Variants in SPTBN5 observed in about 807,000 individuals in gnomAD.
SPTBN5 encodes the protein spectrin beta chain, non-erythrocytic 5.
Under a neutral mutation model 477.6 loss-of-function variants are expected in SPTBN5, and 513 were observed. The observed-to-expected ratio is 1.07, with a 90% CI of 1.00 to 1.16. SPTBN5 has a LOEUF of 1.16. SPTBN5 is among the 50% of genes most tolerant of loss of function. SPTBN5 has a pLI of 0.00. For synonymous variants in SPTBN5, 2,169 were observed against 2,011.7 expected, an observed-to-expected ratio of 1.08 and a Z score of -2.09; for missense variants, 5,062 against 4,731.8, an observed-to-expected ratio of 1.07 and a Z score of -2.05.
rs371908812 is a variant in SPTBN5, at chr15:41,868,471, C to G, written c.5984G>C (p.Arg1995Pro). ...HQWLRAELEA[R>P]EKLWQQATQL... ...GGTGGCCTGCTGCCACAGCTTCTCC[C>G]GGGCCTCCAGCTCCGCCCGGAGCCA... The change falls in exon 33 of 68, where the codon CGG (arginine) becomes CCG (proline). Residue 1995 changes from arginine (R) to proline (P), a missense_variant. Transcript: ENST00000320955. 3 of 1,611,066 alleles carry G rather than the reference C, an allele frequency of 1.9e-6. No homozygotes were observed. Among genetic ancestry groups the G allele is most frequent in the Admixed American group, 1.7e-5 (1 of 59,948 alleles).
In SPTBN5 at chr15:41,848,566, A is replaced by G; in HGVS notation, c.*50T>C. 1.2e-6 allele frequency: 2 copies of G among 1,611,874 alleles called. No homozygotes were observed. The highest frequency in any genetic ancestry group is 1.7e-6 in the Non-Finnish European group (2 of 1,178,028). On this transcript the variant is annotated 3_prime_UTR_variant, in exon 68 of 68. Coordinates refer to ENST00000320955, the MANE Select transcript of SPTBN5 (RefSeq NM_016642.4). Reference sequence around the variant, plus strand: ...GCTGAGTCTTATTCTGGTCCCTTAGATGTGTCCTCGCTTGTGCCCCTGAAG... The same window carrying G: ...GCTGAGTCTTATTCTGGTCCCTTAGGTGTGTCCTCGCTTGTGCCCCTGAAG...
Position 41,850,606 on chromosome 15 carries a change from A to G in SPTBN5, c.10921+248T>C. ...GAGTGGCAGACTCCAAAAGGGGCAGAACAGGACCAGGACACAGCTGGGGGT... is the reference window on the plus strand; with the variant it reads ...GAGTGGCAGACTCCAAAAGGGGCAGGACAGGACCAGGACACAGCTGGGGGT... On this transcript the variant is annotated intron_variant, in intron 66 of 67. Coordinates refer to ENST00000320955, the MANE Select transcript of SPTBN5 (RefSeq NM_016642.4). The G allele has an allele frequency of 5.6e-6, 3 of 534,270 alleles. No homozygotes were observed. The East Asian group carries it at 9.3e-5, about 17-fold the overall frequency. 33.1% of individuals were successfully genotyped at this position (534,270 alleles called of 1,614,324 possible). A position where few individuals can be genotyped will look rare whatever the true frequency, so the allele number is the denominator to read the frequency against.
Position 41,857,449 on chromosome 15 carries a change from C to G in SPTBN5, c.8410G>C (p.Glu2804Gln). The G allele has an allele frequency of 6.2e-7, 1 of 1,608,416 alleles. No individual in the cohort carries two copies. Among genetic ancestry groups the G allele is most frequent in the Non-Finnish European group, 8.5e-7 (1 of 1,177,578 alleles). Reference sequence around the variant, plus strand: ...GCTCTCAGCTCAACCTCGATGGGCTCCAGCCAGTTCTCCAGTTCCTCCATG... The same window carrying G: ...GCTCTCAGCTCAACCTCGATGGGCTGCAGCCAGTTCTCCAGTTCCTCCATG... ...RSMEELENWL[E>Q]PIEVELRAPT... The change falls in exon 51 of 68, where the codon GAG becomes CAG. Residue 2804 changes from glutamate (E) to glutamine (Q), a missense_variant. Coordinates refer to ENST00000320955, the MANE Select transcript of SPTBN5 (RefSeq NM_016642.4).
chr15:41,873,436 C>A, intron 26 of SPTBN5, 56 bp downstream of exon 26: 1 of 1,329,734 alleles, frequency 7.5e-7, no homozygotes, highest in Non-Finnish European at 1.1e-6. Context: ...ACAGCCCTCT[C>A]CCCGTGGTCC....
chr15:41,860,642 C>A lies in SPTBN5; in HGVS notation c.7932G>T (p.Gln2644His). Reference protein sequence around the residue: ...ALEATARGLHQGGHPEAQSAL... With the variant: ...ALEATARGLHHGGHPEAQSAL... ...CACTCTGGGCCTCGGGGTGCCCACC[C>A]TGGTGCAGGCCGCGGGCCGTGGCCT... is the stretch of plus-strand genomic sequence containing the variant. Residue 2644 changes from glutamine to histidine, a missense_variant, in exon 47 of 68, where the codon CAG becomes CAT. Transcript: ENST00000320955. 1 of 1,543,282 alleles carries A rather than the reference C, an allele frequency of 6.5e-7. No homozygotes were observed. The highest frequency in any genetic ancestry group is 8.7e-7 in the Non-Finnish European group (1 of 1,144,028).
chr15:41,860,649 A>G lies in SPTBN5; in HGVS notation c.7925T>C (p.Leu2642Pro). 6.5e-7 allele frequency: 1 copy of G among 1,547,916 alleles called. No individual in the cohort carries two copies. Among genetic ancestry groups the G allele is most frequent in the Non-Finnish European group, 8.7e-7 (1 of 1,146,426 alleles). ...ISALEATARGLHQGGHPEAQS... is the reference protein window; with the variant it reads ...ISALEATARGPHQGGHPEAQS... ...GGCCTCGGGGTGCCCACCCTGGTGCAGGCCGCGGGCCGTGGCCTCCAGAGC... is the reference window on the plus strand; with the variant it reads ...GGCCTCGGGGTGCCCACCCTGGTGCGGGCCGCGGGCCGTGGCCTCCAGAGC... Residue 2642 changes from leucine to proline, a missense_variant, in exon 47 of 68, where the codon CTG becomes CCG. Coordinates refer to ENST00000320955, the MANE Select transcript of SPTBN5 (RefSeq NM_016642.4).
rs750822095 is a variant in SPTBN5 at position 41,878,442 on chromosome 15, G to T, written c.3370C>A (p.Gln1124Lys). ...LLLWAESVQA[Q>K]LRSKEVSVDV... ...ACTGACACCTCCTTGCTGCGCAGCT[G>T]AGCCTGGACACTCTCTGCCCACAGT... The change falls in exon 17 of 68, where the codon CAG becomes AAG. Residue 1124 changes from glutamine to lysine, a missense_variant. Coordinates refer to ENST00000320955, the MANE Select transcript of SPTBN5 (RefSeq NM_016642.4). 1.2e-5 allele frequency: 20 copies of T among 1,613,580 alleles called. No homozygotes were observed. The Admixed American group carries it at 3.3e-4, about 27-fold the overall frequency.
chr15:41,865,823 T>TCGGAACTCG lies in SPTBN5; in HGVS notation c.6894_6902dup (p.Glu2299_Arg2301dup), dbSNP rs950488648. 62 of 1,564,230 alleles carry TCGGAACTCG rather than the reference T, an allele frequency of 4.0e-5. No homozygotes were observed. The highest frequency in any genetic ancestry group is 5.2e-5 in the Non-Finnish European group (60 of 1,154,740). ...GCCCTCTTACCCCGGCCGAGTTTCC[T>TCGGAACTCG]CGGAACTCGCGGAGCCGCCGTCGGA... On this transcript the variant is annotated inframe_insertion, in exon 39 of 68. Coordinates refer to ENST00000320955, the MANE Select transcript of SPTBN5 (RefSeq NM_016642.4).
chr15:41,854,324 G>T, intron 56 of SPTBN5, 119 bp from the exon 57 acceptor site: 1 of 1,233,576 alleles, frequency 8.1e-7, no homozygotes, highest in Non-Finnish European at 1.1e-6. Context: ...GGGGCTTGAT[G>T]TGTCCCCAGG....
At chr15:41,867,470 T>C (rs2066365260) in intron 35 of SPTBN5, 68 bp downstream of exon 35, 1 of 1,462,204 alleles carries the variant, frequency 6.8e-7, no homozygotes, top group Non-Finnish European at 9.6e-7. Context: ...AAGCGCCCCG[T>C]GACCCCCTTC....
At chr15:41,884,091 T>C (rs1273575160) in intron 7 of SPTBN5, among the ~76,000 whole-genome samples, 1 of 152,212 alleles carries the variant, frequency 6.6e-6, no homozygotes, top group Non-Finnish European at 1.5e-5. Flanking sequence ...GTTCATGCCA[T>C]TCTCCTGCCT....
At chr15:41,866,563 C>T in intron 36 of SPTBN5, 70 bp from the exon 37 acceptor site, 2 of 1,427,316 alleles carry the variant, frequency 1.4e-6, no homozygotes, top group Non-Finnish European at 9.1e-7. Context: ...AGGCCTAGCC[C>T]CCAGCCATTC....
At position 41,849,976 on chromosome 15, in the gene SPTBN5, TAAC is replaced by T; in HGVS notation, c.10922-20_10922-18del. On this transcript the variant is annotated intron_variant, in intron 66 of 67. Coordinates refer to ENST00000320955, the MANE Select transcript of SPTBN5 (RefSeq NM_016642.4). ...GACTCTGGGCTGCAGAGCAAGGGAA[TAAC>T]CACTGTTAGCCCGGCCCAGACCATC... The T allele has an allele frequency of 3.2e-6, 5 of 1,566,436 alleles. No individual in the cohort carries two copies. Among genetic ancestry groups the T allele is most frequent in the Non-Finnish European group, 4.3e-6 (5 of 1,153,680 alleles).
chr15:41,853,208 A>G (rs909630544), intron 59 of SPTBN5, 50 bp downstream of exon 59: 18 of 1,542,354 alleles, frequency 1.2e-5, no homozygotes, highest in Non-Finnish European at 1.6e-5. Context: ...GCCCTGGGCA[A>G]TCAGGCTGTA....
At chr15:41,888,111 C>T (rs1215799910) in intron 4 of SPTBN5, 26 bp from the exon 5 acceptor site, 4 of 1,550,906 alleles carry the variant, frequency 2.6e-6, no homozygotes, top group South Asian at 2.4e-5. Context: ...AGCAGGGTCA[C>T]CATGCGGGGA....
At chr15:41,893,200 C>G in intron 2 of SPTBN5, 82 bp downstream of exon 2, 1 of 1,594,430 alleles carries the variant, frequency 6.3e-7, no homozygotes, top group South Asian at 1.1e-5. Flanking sequence ...GCAGATGACC[C>G]CACAGCTCAC....
rs1779242826 is a variant in SPTBN5 at position 41,872,392 on chromosome 15, AG to A, written c.5074del (p.Leu1692SerfsTer39). On this transcript the variant is annotated frameshift_variant, in exon 27 of 68. Coordinates refer to ENST00000320955, the MANE Select transcript of SPTBN5 (RefSeq NM_016642.4). LOFTEE classifies it high-confidence loss of function. Reference protein sequence around the residue: ...MEELDQTAQTLTGPEVPEQQR... With the variant: ...MEELDQTAQTXTGPEVPEQQR... ...CTGCTCAGGGACTTCGGGGCCAGTG[AG>A]GGTTTGGGCCGTCTGGTCAAGCTCC... The A allele has an allele frequency of 1.2e-6, 2 of 1,606,548 alleles. No homozygotes were observed. The highest frequency in any genetic ancestry group is 1.7e-5 in the Admixed American group (1 of 59,024).
At position 41,854,169 on chromosome 15, in the gene SPTBN5, G is replaced by T; in HGVS notation, c.9655C>A (p.Gln3219Lys). The change falls in exon 57 of 68, where the codon CAG becomes AAG. Residue 3219 changes from glutamine to lysine, a missense_variant. Physicochemically the swap from Gln to Lys is moderately conservative, Grantham distance 53. Transcript: ENST00000320955. The stretch of plus-strand genomic sequence containing the variant: ...CTTCCCTGGAGCTCAGCTGCTGCCT[G>T]CTGAAAGCTGTGGACCTCATGGGCT... ...AAAHEVHSFQ[Q>K]AAAELQGRMQ... 1 of 1,599,774 alleles carries T rather than the reference G, an allele frequency of 6.3e-7. No homozygotes were observed. The highest frequency in any genetic ancestry group is 2.3e-5 in the East Asian group (1 of 44,260).
At chr15:41,882,904 TG>T in intron 9 of SPTBN5, 91 bp downstream of exon 9, 21 of 1,388,970 alleles carry the variant, frequency 1.5e-5, no homozygotes, top group Non-Finnish European at 2.0e-5. Context: ...TGGAGAAAAC[TG>T]GCAGGCCAAC....
Sources: gnomAD v4.1 joint callset for allele counts (sites outside exome capture counted in the v4.1 genomes callset) on GRCh38, gnomAD v4.1.1 for gene constraint, MANE v1.5 for transcripts, NCBI Gene and HGNC (gene_info 2026-07-23, HGNC 2026-07-21) for gene names.